GLRA2: variants seen among roughly 807,000 people sequenced by gnomAD.
The protein encoded by GLRA2 is glycine receptor alpha 2.
A neutral mutation model predicts 31.6 loss-of-function variants in GLRA2; 11 were observed. That is an observed-to-expected ratio of 0.35 (90% CI 0.22 to 0.58). The LOEUF (loss-of-function observed/expected upper bound fraction) is 0.58. Ranked by LOEUF, GLRA2 falls within the 20% of genes least tolerant of loss-of-function variation. The pLI is 0.84. For missense variants in GLRA2, 212 were observed against 351.8 expected, an observed-to-expected ratio of 0.60 and a Z score of 3.18; for synonymous variants, 132 against 134.0, an observed-to-expected ratio of 0.99 and a Z score of 0.10.
chrX:14,609,607 A>G (rs1440081666), intron 7 of GLRA2, among the ~76,000 whole-genome samples: 1 of 111,555 alleles, frequency 9.0e-6, no homozygotes, highest in South Asian at 3.8e-4. Flanking sequence ...ATGTTTAGTG[A>G]AGTCATTTAT....
At chrX:14,507,689 C>CTGTTTTTTTTTTTTTTTTT in the GLRA2 span, among the ~76,000 whole-genome samples, 1 of 46,629 alleles carries the variant, frequency 2.1e-5, no homozygotes, top group Non-Finnish European at 3.9e-5. Flanking sequence ...GAAAGACATT[C>CTGTTTTTTTTTTTTTTTTT]TTTTTTTTTT....
chrX:14,457,793 T>G, the GLRA2 span, among the ~76,000 whole-genome samples: 3 of 111,553 alleles, frequency 2.7e-5, no homozygotes, highest in Non-Finnish European at 5.7e-5. Context: ...CCACAATGGT[T>G]GAACTAATTT....
the GLRA2 span, among the ~76,000 whole-genome samples, chrX:14,493,722 T>TATATATGTATAC: frequency 1.1e-5 from 1 of 92,602 alleles, no homozygotes; most frequent in African/African-American, 4.8e-5. Flanking sequence ...TATACATATA[T>TATATATGTATAC]ACGTGTATAT....
intron 2 of GLRA2, among the ~76,000 whole-genome samples, chrX:14,547,933 G>T (rs1427158043): frequency 1.8e-5 from 2 of 111,909 alleles, no homozygotes; most frequent in Non-Finnish European, 3.8e-5. Context: ...CGTGACAGTA[G>T]GTAGGTTGTC....
chrX:14,691,716 T>C (rs1228923617), intron 8 of GLRA2, among the ~76,000 whole-genome samples: 1 of 112,055 alleles, frequency 8.9e-6, no homozygotes, highest in Admixed American at 9.5e-5. Context: ...AGCACTGTTC[T>C]GGTTTATAAC....
At chrX:14,702,748 G>C (rs1183884023) in intron 8 of GLRA2, among the ~76,000 whole-genome samples, 2 of 111,381 alleles carry the variant, frequency 1.8e-5, no homozygotes, top group Non-Finnish European at 3.8e-5. Flanking sequence ...CAAGGGATTG[G>C]GGGCCATATC....
At chrX:14,523,875 T>C in the GLRA2 span, among the ~76,000 whole-genome samples, 1 of 111,907 alleles carries the variant, frequency 8.9e-6, no homozygotes, top group Admixed American at 9.5e-5. Context: ...GTTTGAAAGA[T>C]TGTGAGAATG....
intron 2 of GLRA2, among the ~76,000 whole-genome samples, chrX:14,554,576 C>T (rs193232809): frequency 5.7e-4 from 64 of 111,817 alleles, no homozygotes; most frequent in African/African-American, 2.1e-3. Context: ...GCAATAATCT[C>T]TTTCTTTTTT....
chrX:14,543,349 C>A (rs919385729), intron 2 of GLRA2, among the ~76,000 whole-genome samples: 1 of 108,610 alleles, frequency 9.2e-6, no homozygotes, highest in African/African-American at 3.3e-5. Context: ...TTGGGTATAT[C>A]CTTTTGTAAA....
rs765804293 is a variant in GLRA2, at chrX:14,681,560, T to A, written c.931-9150T>A. Among the ~76,000 whole-genome samples the A allele has an allele frequency of 2.4e-4, 27 of 110,384 alleles. 1 individual carries two copies. The South Asian group carries it at 8.8e-3, about 36-fold the overall frequency. On this transcript the variant is annotated intron_variant, in intron 7 of 8. Coordinates refer to ENST00000218075, the MANE Select transcript of GLRA2 (RefSeq NM_002063.4). ...TAAACTAAAAACGAAAACAAAAAAA[T>A]AAACCTACAGTCTAAGAGTAGGGTC...
chrX:14,507,717 A>T, the GLRA2 span, among the ~76,000 whole-genome samples: 1 of 26,929 alleles, frequency 3.7e-5, no homozygotes, highest in South Asian at 1.8e-3. Flanking sequence ...TTTTTTGGAG[A>T]CAGAGTCTCA....
the GLRA2 span, among the ~76,000 whole-genome samples, chrX:14,456,767 A>T: frequency 2.7e-5 from 3 of 112,349 alleles, no homozygotes; most frequent in Non-Finnish European, 5.6e-5. Flanking sequence ...GTTGTTGGGC[A>T]CGTAGATTAA....
chrX:14,709,463 C>T (rs1479171163), intron 8 of GLRA2, among the ~76,000 whole-genome samples: 1 of 111,948 alleles, frequency 8.9e-6, no homozygotes, highest in Non-Finnish European at 1.9e-5. Flanking sequence ...AATCTGGTAA[C>T]CGTAATAATG....
chrX:14,564,570 T>C (rs2089777634), intron 2 of GLRA2, among the ~76,000 whole-genome samples: 1 of 112,385 alleles, frequency 8.9e-6, no homozygotes, highest in South Asian at 3.6e-4. Context: ...AACACTATTA[T>C]TGTATTTGGA....
At chrX:14,543,236 CAAAAAAAAAAAAAAAAAA>C (rs60906048) in intron 2 of GLRA2, among the ~76,000 whole-genome samples, 3 of 23,372 alleles carry the variant, frequency 1.3e-4, no homozygotes, top group African/African-American at 4.7e-4. Flanking sequence ...TTGTCATCTG[CAAAAAAAAAAAAAAAAAA>C]AAAAAAAGGA....
chrX:14,574,699 C>A, intron 3 of GLRA2: 1 of 479,317 alleles, frequency 2.1e-6, no homozygotes, highest in Non-Finnish European at 3.7e-6. Flanking sequence ...ATTTATACTA[C>A]TTTATTTTGT....
chrX:14,711,972 A>C (rs764209119), intron 8 of GLRA2, among the ~76,000 whole-genome samples: 6 of 113,000 alleles, frequency 5.3e-5, no homozygotes, highest in Admixed American at 9.3e-5. Context: ...TTCCGCGATT[A>C]AGATGCCAGA....
At chrX:14,698,248 G>A (rs1209666549) in intron 8 of GLRA2, among the ~76,000 whole-genome samples, 1 of 111,115 alleles carries the variant, frequency 9.0e-6, no homozygotes, top group East Asian at 2.8e-4. Flanking sequence ...GGAGTTTTGG[G>A]TACCCCCTCA....
intron 7 of GLRA2, among the ~76,000 whole-genome samples, chrX:14,677,685 G>A (rs763396479): frequency 8.9e-6 from 1 of 111,784 alleles, no homozygotes; most frequent in East Asian, 2.8e-4. Context: ...TTGTCATAAA[G>A]AGCTGTCCTT....
Sources: gnomAD v4.1 joint callset for allele counts (sites outside exome capture counted in the v4.1 genomes callset) on GRCh38, gnomAD v4.1.1 for gene constraint, MANE v1.5 for transcripts, NCBI Gene and HGNC (gene_info 2026-07-23, HGNC 2026-07-21) for gene names.